IL1RAPL1: variants seen among roughly 807,000 people sequenced by gnomAD.
IL1RAPL1 encodes the protein interleukin 1 receptor accessory protein like 1.
IL1RAPL1 carries 3 observed loss-of-function variants against 48.4 expected under a neutral mutation model. The ratio of observed to expected loss-of-function variants is 0.06; its 90% CI spans 0.03 to 0.16. IL1RAPL1 has a LOEUF of 0.16. IL1RAPL1 is among the 10% of genes least tolerant of loss of function. The pLI, the probability that IL1RAPL1 is intolerant of heterozygous loss-of-function variation, is 1.00. For missense variants in IL1RAPL1, 349 were observed against 530.6 expected (o/e 0.66, Z 3.36); for synonymous variants, 185 against 187.7 (o/e 0.99, Z 0.12).
chrX:29,753,546 A>G (rs1013401378), intron 6 of IL1RAPL1, among the ~76,000 whole-genome samples: 3 of 112,164 alleles, frequency 2.7e-5, no homozygotes, highest in Non-Finnish European at 3.8e-5. Context: ...TCTCCCACTG[A>G]GAATTATTTG....
At chrX:28,926,924 C>T (rs1377517192) in intron 2 of IL1RAPL1, among the ~76,000 whole-genome samples, 1 of 111,346 alleles carries the variant, frequency 9.0e-6, no homozygotes, top group African/African-American at 3.3e-5. Context: ...TGGAATCTCC[C>T]TCTGTTGCCC....
chrX:29,913,974 G>T (rs1410409289), intron 6 of IL1RAPL1, among the ~76,000 whole-genome samples: 1 of 111,871 alleles, frequency 8.9e-6, no homozygotes, highest in Non-Finnish European at 1.9e-5. Context: ...TCTCACTCAT[G>T]CTCTTTCCTC....
intron 2 of IL1RAPL1, among the ~76,000 whole-genome samples, chrX:29,264,634 C>T (rs779130224): frequency 2.3e-3 from 255 of 110,213 alleles, no homozygotes; most frequent in African/African-American, 8.2e-3. Context: ...AATTTATAAT[C>T]TTCAAATATA....
chrX:29,712,648 A>G (rs996259290), intron 6 of IL1RAPL1, among the ~76,000 whole-genome samples: 1 of 111,981 alleles, frequency 8.9e-6, no homozygotes, highest in African/African-American at 3.2e-5. Flanking sequence ...TTTTATGACT[A>G]TGTAGCCCAT....
At chrX:29,160,145 TTA>T (rs1929653039) in intron 2 of IL1RAPL1, among the ~76,000 whole-genome samples, 1 of 112,124 alleles carries the variant, frequency 8.9e-6, no homozygotes, top group Non-Finnish European at 1.9e-5. Context: ...ACTATGCAAA[TTA>T]TGTTTTCTAT....
intron 3 of IL1RAPL1, among the ~76,000 whole-genome samples, chrX:29,372,400 T>C (rs7053562): frequency 0.028 from 3,113 of 112,126 alleles, 98 homozygotes; most frequent in African/African-American, 0.094. Flanking sequence ...TTTATGTTGC[T>C]GTGCAGAAGC....
At chrX:29,614,354 A>C (rs1300239686) in intron 5 of IL1RAPL1, among the ~76,000 whole-genome samples, 1 of 112,266 alleles carries the variant, frequency 8.9e-6, no homozygotes, top group Non-Finnish European at 1.9e-5. Flanking sequence ...GACCCAATGA[A>C]GTGAAAATAA....
chrX:28,952,962 G>A (rs780690743), intron 2 of IL1RAPL1, among the ~76,000 whole-genome samples: 2 of 111,532 alleles, frequency 1.8e-5, no homozygotes, highest in East Asian at 5.6e-4. Flanking sequence ...ACACATTAAT[G>A]AAAGTCCATT....
At chrX:29,145,550 A>T (rs1305898720) in intron 2 of IL1RAPL1, among the ~76,000 whole-genome samples, 1 of 111,649 alleles carries the variant, frequency 9.0e-6, no homozygotes, top group African/African-American at 3.3e-5. Context: ...GGTATCACTG[A>T]ATCTCATGGC....
chrX:29,755,351 C>T (rs1340004804), intron 6 of IL1RAPL1, among the ~76,000 whole-genome samples: 2 of 111,585 alleles, frequency 1.8e-5, no homozygotes, highest in Non-Finnish European at 3.8e-5. Context: ...TCAGAATCGA[C>T]CACACCCACC....
chrX:29,128,119 A>T (rs1279087787), intron 2 of IL1RAPL1, among the ~76,000 whole-genome samples: 3 of 111,372 alleles, frequency 2.7e-5, no homozygotes, highest in Admixed American at 9.6e-5. Flanking sequence ...TGCATAGGAA[A>T]AATAATAACT....
At chrX:29,439,005 C>T (rs1318661042) in intron 5 of IL1RAPL1, among the ~76,000 whole-genome samples, 2 of 110,924 alleles carry the variant, frequency 1.8e-5, no homozygotes, top group Non-Finnish European at 1.9e-5. Flanking sequence ...TAGTATTACC[C>T]TTTTTCCTGT....
intron 6 of IL1RAPL1, among the ~76,000 whole-genome samples, chrX:29,816,553 G>A (rs966431693): frequency 2.7e-5 from 3 of 110,214 alleles, no homozygotes; most frequent in Middle Eastern, 9.3e-3. Context: ...TTGAGGAGTA[G>A]GGACTCTCCC....
At chrX:29,075,035 C>T (rs187712285) in intron 2 of IL1RAPL1, among the ~76,000 whole-genome samples, 12 of 111,668 alleles carry the variant, frequency 1.1e-4, no homozygotes, top group African/African-American at 3.6e-4. Context: ...TAATTAATGG[C>T]CTTGTTACAG....
intron 1 of IL1RAPL1, among the ~76,000 whole-genome samples, chrX:28,650,816 T>A (rs197013): frequency 0.4 from 44,439 of 111,011 alleles, 6,616 homozygotes; most frequent in South Asian, 0.56. Flanking sequence ...TACTAAAAAA[T>A]GGAGTCCACT....
chrX:28,687,567 G>A (rs181392670), intron 1 of IL1RAPL1, among the ~76,000 whole-genome samples: 6 of 110,251 alleles, frequency 5.4e-5, no homozygotes, highest in Non-Finnish European at 1.1e-4. Context: ...TGGATCACAA[G>A]GTCAGGAGAT....
Position 29,266,068 on chromosome X carries a change from G to A in IL1RAPL1, c.83-16870G>A, listed in dbSNP as rs749167595. Among the ~76,000 whole-genome samples, 322 of 111,056 alleles carry A rather than the reference G, an allele frequency of 2.9e-3. 1 individual carries two copies. Among genetic ancestry groups the A allele is most frequent in the African/African-American group, 0.01 (307 of 30,566 alleles). ...TGGAGGTCAGTGTGGCGATTCCTCA[G>A]GGATCTAGAACTAGAAATACCATTT... On this transcript the variant is annotated intron_variant, in intron 2 of 10. Coordinates refer to ENST00000378993, the MANE Select transcript of IL1RAPL1 (RefSeq NM_014271.4).
rs1355786695 is a variant in IL1RAPL1 at position 29,167,333 on chromosome X, C to T, written c.83-115605C>T. Among the ~76,000 whole-genome samples the T allele has an allele frequency of 5.5e-5, 6 of 109,270 alleles. No homozygotes were observed. In the Admixed American group the frequency reaches 6.0e-4, roughly 11 times the overall value. The allele number at this position is 109,270 out of a possible 115,157, so 94.9% of individuals were successfully genotyped here. On this transcript the variant is annotated intron_variant, in intron 2 of 10. Transcript: ENST00000378993. ...TTCCCTTCCCTTCTTCCTTTCCTTC[C>T]CTCCCTCCTTTCCTCACTTCCTCCT... is the stretch of plus-strand genomic sequence containing the variant.
chrX:29,757,099 G>C (rs747743308), intron 6 of IL1RAPL1, among the ~76,000 whole-genome samples: 2 of 112,352 alleles, frequency 1.8e-5, no homozygotes, highest in Non-Finnish European at 3.8e-5. Flanking sequence ...CCAGAACTAT[G>C]AGCCAATACA....
Sources: gnomAD v4.1 joint callset for allele counts (sites outside exome capture counted in the v4.1 genomes callset) on GRCh38, gnomAD v4.1.1 for gene constraint, MANE v1.5 for transcripts, NCBI Gene and HGNC (gene_info 2026-07-23, HGNC 2026-07-21) for gene names.